Variants in NDUFS4 observed in about 807,000 individuals in gnomAD.
NDUFS4 encodes NADH:ubiquinone oxidoreductase subunit S4, also known as NADH dehydrogenase [ubiquinone] iron-sulfur protein 4, mitochondrial.
Under a neutral mutation model 24.3 loss-of-function variants are expected in NDUFS4, and 28 were observed. That is an observed-to-expected ratio of 1.15 (90% CI 0.85 to 1.58). The LOEUF is 1.58. Among genes scored for constraint, NDUFS4 ranks in the 40% most tolerant of loss-of-function variants. NDUFS4 has a pLI of 0.00. For synonymous variants in NDUFS4, 93 were observed against 69.7 expected (o/e 1.34, Z -1.67); for missense variants, 223 against 207.9 (o/e 1.07, Z -0.45).
intron 1 of NDUFS4, among the ~76,000 whole-genome samples, chr5:53,580,102 T>A (rs952309695): frequency 1.3e-5 from 2 of 152,198 alleles, no homozygotes; most frequent in Admixed American, 1.3e-4. Flanking sequence ...TTACTGCAAC[T>A]ATAGGAAACT....
chr5:53,603,254 A>G (rs1750384378), intron 1 of NDUFS4, among the ~76,000 whole-genome samples, 198 bp from the exon 2 acceptor site: 1 of 152,094 alleles, frequency 6.6e-6, no homozygotes, highest in Non-Finnish European at 1.5e-5. Flanking sequence ...TGAACTGTCA[A>G]GTGAGTCTGC....
chr5:53,660,366 A>G (rs182262557), intron 4 of NDUFS4, among the ~76,000 whole-genome samples: 3 of 152,152 alleles, frequency 2.0e-5, no homozygotes, highest in South Asian at 2.1e-4. Flanking sequence ...TCCATGGTGT[A>G]TATGTGCCAC....
chr5:53,581,071 G>A (rs1331743915), intron 1 of NDUFS4, among the ~76,000 whole-genome samples: 1 of 152,122 alleles, frequency 6.6e-6, no homozygotes, highest in Middle Eastern at 3.2e-3. Flanking sequence ...AACCTCAGGT[G>A]ATCTGCTTGC....
chr5:53,562,773 G>A (rs1038703775), intron 1 of NDUFS4, among the ~76,000 whole-genome samples: 7 of 152,104 alleles, frequency 4.6e-5, no homozygotes, highest in Non-Finnish European at 5.9e-5. Flanking sequence ...ATGAGGATCT[G>A]AAAAAGGTGA....
intron 4 of NDUFS4, among the ~76,000 whole-genome samples, chr5:53,678,805 T>TCTAA (rs1740559287): frequency 6.6e-6 from 1 of 152,204 alleles, no homozygotes; most frequent in African/African-American, 2.4e-5. Context: ...GTATAATTCG[T>TCTAA]CTAACTTACC....
intron 2 of NDUFS4, among the ~76,000 whole-genome samples, chr5:53,626,619 C>G (rs1023426354): frequency 1.3e-5 from 2 of 152,200 alleles, no homozygotes; most frequent in Admixed American, 1.3e-4. Context: ...ATTTGCATTT[C>G]TCTAATGACC....
chr5:53,651,974 C>A (rs401967), intron 3 of NDUFS4, among the ~76,000 whole-genome samples: 23 of 151,722 alleles, frequency 1.5e-4, no homozygotes, highest in African/African-American at 5.3e-4. Context: ...GGGGTTTCAC[C>A]GTGTTAGCCA....
At chr5:53,621,902 G>T (rs924215621) in intron 2 of NDUFS4, among the ~76,000 whole-genome samples, 1 of 151,352 alleles carries the variant, frequency 6.6e-6, no homozygotes, top group East Asian at 2.0e-4. Context: ...GGGTTTCACC[G>T]TGTTAGCCAG....
intron 2 of NDUFS4, among the ~76,000 whole-genome samples, chr5:53,636,811 T>G (rs1366873570): frequency 1.3e-5 from 2 of 152,060 alleles, no homozygotes; most frequent in African/African-American, 4.8e-5. Context: ...TGAGATCTGG[T>G]TTTTTAAAAG....
rs565706906 is a variant in NDUFS4 at position 53,614,662 on chromosome 5, C to G, written c.177+11132C>G. 2.0e-5 allele frequency among the ~76,000 whole-genome samples: 3 copies of G among 152,006 alleles called. No homozygotes were observed. In the South Asian group the frequency reaches 6.2e-4, roughly 32 times the overall value. On this transcript the variant is annotated intron_variant, in intron 2 of 4. Coordinates refer to ENST00000296684, the MANE Select transcript of NDUFS4 (RefSeq NM_002495.4). ...GCCACAACATCTTTAATGCATAGAC[C>G]TGTAGTATGCTAGTGCTGTATAACA...
chr5:53,681,459 A>T (rs537823036), intron 4 of NDUFS4, among the ~76,000 whole-genome samples: 1 of 152,124 alleles, frequency 6.6e-6, no homozygotes. Context: ...TTTAATCCTC[A>T]TGACAACCTT....
intron 2 of NDUFS4, among the ~76,000 whole-genome samples, chr5:53,615,779 T>G (rs1320328562): frequency 6.6e-6 from 1 of 152,044 alleles, no homozygotes. Flanking sequence ...AAAATAGACA[T>G]GAAAAATAAA....
chr5:53,660,237 G>A (rs528216026), intron 4 of NDUFS4, among the ~76,000 whole-genome samples: 6 of 147,870 alleles, frequency 4.1e-5, no homozygotes, highest in South Asian at 2.1e-4. Flanking sequence ...CTATGAGTGA[G>A]AACATGCGGT....
intron 2 of NDUFS4, among the ~76,000 whole-genome samples, chr5:53,632,081 A>T (rs561674682): frequency 6.6e-6 from 1 of 152,318 alleles, no homozygotes; most frequent in Non-Finnish European, 1.5e-5. Context: ...CAGGTACCTC[A>T]GTTGGAAATG....
At chr5:53,643,645 G>A (rs1430838567) in intron 2 of NDUFS4, among the ~76,000 whole-genome samples, 1 of 152,068 alleles carries the variant, frequency 6.6e-6, no homozygotes. Flanking sequence ...ATAACAATAG[G>A]GTGTCGTGAT....
chr5:53,594,496 A>G (rs1256939132), intron 1 of NDUFS4, among the ~76,000 whole-genome samples: 1 of 152,092 alleles, frequency 6.6e-6, no homozygotes, highest in East Asian at 1.9e-4. Context: ...ACTCTCTTTT[A>G]ATTGGTATAT....
In NDUFS4 at chr5:53,683,289, A is replaced by G. The variant is rs1484498336; in HGVS notation, c.*68A>G. ...GCTGTGCAGTATTTATAGTCCATGT[A>G]TAATAAATACATCTCTTAATCTCCT... On this transcript the variant is annotated 3_prime_UTR_variant, in exon 5 of 5. Transcript: ENST00000296684. The G allele has an allele frequency of 4.6e-6, 5 of 1,087,240 alleles. No individual in the cohort carries two copies. Among genetic ancestry groups the G allele is most frequent in the Non-Finnish European group, 7.1e-6 (5 of 702,204 alleles). 67.3% of individuals were successfully genotyped at this position (1,087,240 alleles called of 1,614,324 possible).
chr5:53,606,194 A>T (rs1400258863), intron 2 of NDUFS4, among the ~76,000 whole-genome samples: 1 of 152,052 alleles, frequency 6.6e-6, no homozygotes, highest in Non-Finnish European at 1.5e-5. Flanking sequence ...AAAAAACAAA[A>T]CAAAACAAAA....
chr5:53,665,527 G>A (rs578184126), intron 4 of NDUFS4, among the ~76,000 whole-genome samples: 4 of 152,300 alleles, frequency 2.6e-5, no homozygotes, highest in Admixed American at 1.3e-4. Context: ...TGGCAATGGC[G>A]GACGCCCCTC....
Sources: allele counts gnomAD v4.1 joint callset (sites outside exome capture counted in the v4.1 genomes callset), GRCh38; gene constraint gnomAD v4.1.1; transcripts MANE v1.5; gene names NCBI Gene and HGNC (gene_info 2026-07-23, HGNC 2026-07-21).